MYO9A: variants seen among roughly 807,000 people sequenced by gnomAD.
MYO9A encodes the protein myosin IXA.
A neutral mutation model predicts 293.3 loss-of-function variants in MYO9A; 103 were observed. The observed-to-expected ratio is 0.35, with a 90% CI of 0.30 to 0.41. MYO9A has a LOEUF of 0.41. Ranked by LOEUF, MYO9A falls within the 10% of genes least tolerant of loss-of-function variation. The pLI, the probability that MYO9A is intolerant of heterozygous loss-of-function variation, is 1.00. For synonymous variants in MYO9A, 1,001 were observed against 1,035.7 expected, an observed-to-expected ratio of 0.97 and a Z score of 0.64; for missense variants, 2,685 against 3,033.0, an observed-to-expected ratio of 0.89 and a Z score of 2.69.
chr15:71,871,759 A>G (rs1397395162), intron 32 of MYO9A, among the ~76,000 whole-genome samples: 1 of 151,662 alleles, frequency 6.6e-6, no homozygotes, highest in East Asian at 1.9e-4. Context: ...TTTATCTAAG[A>G]AGGACAAAAA....
At chr15:71,872,537 A>G (rs556243934) in intron 32 of MYO9A, among the ~76,000 whole-genome samples, 23 of 152,194 alleles carry the variant, frequency 1.5e-4, no homozygotes, top group Non-Finnish European at 2.8e-4. Flanking sequence ...CCCTGACTTG[A>G]TCATTACGCA....
chr15:71,907,794 TG>T, intron 19 of MYO9A, among the ~76,000 whole-genome samples: 1 of 152,330 alleles, frequency 6.6e-6, no homozygotes, highest in African/African-American at 2.4e-5. Flanking sequence ...TGGGGTTGTT[TG>T]TTTTTTTCTT....
chr15:71,880,959 T>A (rs1264307278), intron 28 of MYO9A, among the ~76,000 whole-genome samples: 4 of 152,190 alleles, frequency 2.6e-5, no homozygotes, highest in Non-Finnish European at 5.9e-5. Flanking sequence ...GCTACATGTT[T>A]GAAACAATAT....
intron 39 of MYO9A, among the ~76,000 whole-genome samples, chr15:71,845,315 C>CTGTT (rs1379777567): frequency 6.8e-6 from 1 of 147,582 alleles, no homozygotes; most frequent in African/African-American, 2.7e-5. Flanking sequence ...CAGCTAGTAT[C>CTGTT]TGTTTGTAGG....
intron 1 of MYO9A, among the ~76,000 whole-genome samples, chr15:72,101,317 C>T (rs533990268): frequency 2.1e-5 from 3 of 143,272 alleles, no homozygotes; most frequent in East Asian, 4.4e-4. Flanking sequence ...CCAGGCCAGC[C>T]GCCCCGTCCG....
At chr15:72,092,714 T>C (rs1168888941) in intron 1 of MYO9A, among the ~76,000 whole-genome samples, 1 of 152,234 alleles carries the variant, frequency 6.6e-6, no homozygotes, top group East Asian at 1.9e-4. Context: ...AGCATGGATG[T>C]ATTCAATAAA....
chr15:71,990,089 ATTT>A (rs71133942), intron 11 of MYO9A, among the ~76,000 whole-genome samples: 1 of 142,974 alleles, frequency 7.0e-6, no homozygotes, highest in Non-Finnish European at 1.5e-5. Flanking sequence ...TATATAAGCA[ATTT>A]TTTTTTTTTT....
intron 32 of MYO9A, among the ~76,000 whole-genome samples, chr15:71,866,281 A>G (rs1003629735): frequency 6.6e-6 from 1 of 152,164 alleles, no homozygotes; most frequent in Non-Finnish European, 1.5e-5. Flanking sequence ...TATACAGACT[A>G]TGTATGTTTA....
At chr15:71,843,265 C>T (rs946531657) in intron 39 of MYO9A, among the ~76,000 whole-genome samples, 14 of 151,748 alleles carry the variant, frequency 9.2e-5, no homozygotes, top group African/African-American at 3.4e-4. Flanking sequence ...CCCGTCTCTA[C>T]TAAAAATACA....
rs957504737 is a variant in MYO9A, at chr15:71,830,248, G to A, written c.6901C>T (p.Pro2301Ser). Reference protein sequence around the residue: ...GPSSPVVVRLPSVSDVSEETL... With the variant: ...GPSSPVVVRLSSVSDVSEETL... ...TCCTCTGAGACATCAGACACAGAAG[G>A]CAACCGAACTACAACAGGAGACGAT... Residue 2301 changes from proline (P) to serine (S), a missense_variant, in exon 40 of 42, where the codon CCT becomes TCT. By Grantham distance (74) the Pro-to-Ser change is moderately conservative (BLOSUM62 -1). This residue lies in a region of MYO9A where 350 missense variants were observed against 328.9 expected (regional missense o/e 1.06). Coordinates refer to ENST00000356056, the MANE Select transcript of MYO9A (RefSeq NM_006901.4). 1.2e-6 allele frequency: 2 copies of A among 1,614,032 alleles called. No homozygotes were observed. The highest frequency in any genetic ancestry group is 8.5e-7 in the Non-Finnish European group (1 of 1,179,964).
chr15:71,999,867 G>C lies in MYO9A; in HGVS notation c.1454C>G (p.Pro485Arg). Residue 485 changes from proline to arginine, a missense_variant, in exon 9 of 42, where the codon CCA becomes CGA. Coordinates refer to ENST00000356056, the MANE Select transcript of MYO9A (RefSeq NM_006901.4). ...TVTVGEKLIL[P>R]YKLAEAVTVR... ...CCATCATACCTCTGCCAACTTGTAT[G>C]GCAAAATAAGCTTTTCTCCCACTGT... 6.2e-7 allele frequency: 1 copy of C among 1,611,668 alleles called. No individual in the cohort carries two copies. Among genetic ancestry groups the C allele is most frequent in the Non-Finnish European group, 8.5e-7 (1 of 1,178,986 alleles).
rs150138777 is a variant in MYO9A at position 71,853,109 on chromosome 15, G to T, written c.6347-849C>A. On this transcript the variant is annotated intron_variant, in intron 35 of 41. Coordinates refer to ENST00000356056, the MANE Select transcript of MYO9A (RefSeq NM_006901.4). ...ACTGTCTCTGAATGAATGAATGAAT[G>T]AATGAATGAATGTTTTCGTGCTGAA... Among the ~76,000 whole-genome samples the T allele has an allele frequency of 1.5e-3, 223 of 152,282 alleles. 1 individual carries two copies. The highest frequency in any genetic ancestry group is 4.6e-3 in the African/African-American group (190 of 41,564).
intron 15 of MYO9A, among the ~76,000 whole-genome samples, chr15:71,945,183 G>T (rs2058881165): frequency 6.6e-6 from 1 of 152,142 alleles, no homozygotes; most frequent in African/African-American, 2.4e-5. Flanking sequence ...TGTCTCAAGA[G>T]GTTGTATTCA....
rs534145080 is a variant in MYO9A, at chr15:71,832,382, T to G, written c.6838-2071A>C. Among the ~76,000 whole-genome samples, 3 of 151,186 alleles carry G rather than the reference T, an allele frequency of 2.0e-5. No homozygotes were observed. The South Asian group carries it at 6.3e-4, about 32-fold the overall frequency. ...AAGCCTACAACCCCTAAGAAAGAAA[T>G]AAAAAGAAGTCTATACCTAGACAAA... On this transcript the variant is annotated intron_variant, in intron 39 of 41. Transcript: ENST00000356056.
intron 12 of MYO9A, among the ~76,000 whole-genome samples, chr15:71,969,654 G>C (rs1195613249): frequency 6.6e-6 from 1 of 152,070 alleles, no homozygotes; most frequent in Non-Finnish European, 1.5e-5. Context: ...CTGAGTAATT[G>C]AAAAGCTTAT....
At chr15:72,080,942 C>T (rs909262645) in intron 1 of MYO9A, among the ~76,000 whole-genome samples, 6 of 152,098 alleles carry the variant, frequency 3.9e-5, no homozygotes, top group Non-Finnish European at 8.8e-5. Flanking sequence ...ATATACACCA[C>T]ATTTTCTTTA....
intron 2 of MYO9A, among the ~76,000 whole-genome samples, chr15:72,034,700 T>A (rs1301202377): frequency 2.0e-5 from 3 of 152,198 alleles, no homozygotes; most frequent in African/African-American, 7.2e-5. Flanking sequence ...ATACATTTCA[T>A]CAAAGAAATA....
chr15:71,919,365 C>A (rs1285981862), intron 18 of MYO9A, among the ~76,000 whole-genome samples: 1 of 152,024 alleles, frequency 6.6e-6, no homozygotes, highest in Non-Finnish European at 1.5e-5. Context: ...ATTGCTTGAG[C>A]TCAGGGGGCA....
intron 34 of MYO9A, among the ~76,000 whole-genome samples, chr15:71,858,317 T>A (rs186408969): frequency 6.6e-6 from 1 of 152,146 alleles, no homozygotes; most frequent in Non-Finnish European, 1.5e-5. Context: ...CATATGTTTA[T>A]TGCGGCACTA....
Sources: allele counts gnomAD v4.1 joint callset (sites outside exome capture counted in the v4.1 genomes callset), GRCh38; gene constraint gnomAD v4.1.1; regional missense constraint gnomAD v4.1.1; transcripts MANE v1.5; gene names NCBI Gene and HGNC (gene_info 2026-07-23, HGNC 2026-07-21).